DLGAP2: variants seen among roughly 807,000 people sequenced by gnomAD.
The protein encoded by DLGAP2 is DLG associated protein 2, also known as disks large-associated protein 2.
DLGAP2 carries 26 observed loss-of-function variants against 100.3 expected under a neutral mutation model. That is an observed-to-expected ratio of 0.26 (90% CI 0.19 to 0.36). DLGAP2 has a LOEUF of 0.36. Ranked by LOEUF, DLGAP2 falls within the 10% of genes least tolerant of loss-of-function variation. The probability of loss-of-function intolerance (pLI) is 1.00; values close to 1 mark genes in which losing one functional copy is unlikely to be tolerated. For synonymous variants in DLGAP2, 886 were observed against 630.1 expected (o/e 1.41, Z -6.08); for missense variants, 1,858 against 1,453.2 (o/e 1.28, Z -4.53).
intron 2 of DLGAP2, among the ~76,000 whole-genome samples, chr8:1,232,539 C>A (rs1554507458): frequency 6.6e-6 from 1 of 152,216 alleles, no homozygotes; most frequent in African/African-American, 2.4e-5. Flanking sequence ...TGGGCTGAGG[C>A]TCAATGTGGT....
intron 2 of DLGAP2, among the ~76,000 whole-genome samples, chr8:1,067,603 ACGTGTGTGTG>A (rs1165446114): frequency 9.9e-6 from 1 of 100,894 alleles, no homozygotes; most frequent in East Asian, 3.6e-4. Context: ...TGGTTGAGTG[ACGTGTGTGTG>A]TGTGTGTGTG....
chr8:1,473,334 G>A (rs184293829), intron 3 of DLGAP2, among the ~76,000 whole-genome samples: 3 of 152,318 alleles, frequency 2.0e-5, no homozygotes, highest in East Asian at 1.9e-4. Context: ...CCTCCGCCCA[G>A]CAGACTGCCA....
intron 2 of DLGAP2, among the ~76,000 whole-genome samples, chr8:976,284 C>T (rs1011237236): frequency 1.6e-4 from 24 of 152,198 alleles, no homozygotes; most frequent in African/African-American, 5.5e-4. Context: ...GTCAAAAAAT[C>T]GGCCAATAGA....
intron 3 of DLGAP2, among the ~76,000 whole-genome samples, chr8:1,283,003 T>C (rs1462954917): frequency 6.9e-5 from 8 of 115,118 alleles, no homozygotes; most frequent in Non-Finnish European, 1.4e-4. Context: ...CCCTGAACCA[T>C]ACGGACATGG....
intron 2 of DLGAP2, among the ~76,000 whole-genome samples, chr8:1,035,946 G>A (rs1802106196): frequency 1.5e-5 from 1 of 68,456 alleles, no homozygotes; most frequent in South Asian, 6.8e-4. Flanking sequence ...GTGTCACCGC[G>A]AGTGGGTTCA....
chr8:771,287 G>A (rs1054716997), intron 1 of DLGAP2, among the ~76,000 whole-genome samples: 15 of 152,180 alleles, frequency 9.9e-5, no homozygotes, highest in East Asian at 1.9e-4. Context: ...TAATGCAAAC[G>A]TGCTGTGCAG....
chr8:786,046 G>T (rs1462319186), intron 1 of DLGAP2, among the ~76,000 whole-genome samples: 1 of 152,228 alleles, frequency 6.6e-6, no homozygotes, highest in African/African-American at 2.4e-5. Context: ...CGTCAGGAAT[G>T]CCCAGACCAG....
intron 2 of DLGAP2, among the ~76,000 whole-genome samples, chr8:1,182,655 G>C (rs928921130): frequency 6.6e-6 from 1 of 152,206 alleles, no homozygotes; most frequent in Non-Finnish European, 1.5e-5. Context: ...ACCTCTGCGT[G>C]GTGAGTTGGG....
At chr8:1,227,431 G>A (rs9644305) in intron 2 of DLGAP2, among the ~76,000 whole-genome samples, 87,490 of 150,268 alleles carry the variant, frequency 0.58, 27,007 homozygotes, top group African/African-American at 0.78. Flanking sequence ...CTTTGAGCCT[G>A]TGGCTGTCTT....
At chr8:1,276,026 TAAA>T (rs1239009096) in intron 3 of DLGAP2, among the ~76,000 whole-genome samples, 1 of 131,708 alleles carries the variant, frequency 7.6e-6, no homozygotes, top group Non-Finnish European at 1.6e-5. Context: ...AATATATAAA[TAAA>T]TATATAACGT....
At chr8:1,430,077 T>A (rs1362607165) in intron 3 of DLGAP2, among the ~76,000 whole-genome samples, 1 of 138,032 alleles carries the variant, frequency 7.2e-6, no homozygotes, top group Non-Finnish European at 1.6e-5. Context: ...AGAATAATTA[T>A]GTTACTGTGT....
intron 2 of DLGAP2, among the ~76,000 whole-genome samples, chr8:1,193,478 G>A (rs1357169693): frequency 1.3e-5 from 2 of 152,140 alleles, no homozygotes; most frequent in Non-Finnish European, 2.9e-5. Flanking sequence ...CTTCTTTTGA[G>A]AAGTGTCTGG....
intron 8 of DLGAP2, among the ~76,000 whole-genome samples, chr8:1,663,356 G>A (rs557299190): frequency 2.0e-5 from 3 of 152,200 alleles, no homozygotes; most frequent in East Asian, 3.9e-4. Context: ...TGGTGGAGTC[G>A]GCCAGTGCTG....
chr8:741,869 A>G (rs1286763092), intron 1 of DLGAP2, among the ~76,000 whole-genome samples: 1 of 152,208 alleles, frequency 6.6e-6, no homozygotes, highest in Non-Finnish European at 1.5e-5. Flanking sequence ...AGCTTTAGGA[A>G]AAACAGCGGG....
intron 2 of DLGAP2, among the ~76,000 whole-genome samples, chr8:1,194,599 G>T (rs1171687015): frequency 6.6e-6 from 1 of 152,194 alleles, no homozygotes; most frequent in Non-Finnish European, 1.5e-5. Flanking sequence ...ACGCCTGCCT[G>T]TTCAGCAGGG....
chr8:1,048,298 G>T (rs1443450085), intron 2 of DLGAP2, among the ~76,000 whole-genome samples: 1 of 152,098 alleles, frequency 6.6e-6, no homozygotes, highest in African/African-American at 2.4e-5. Flanking sequence ...ACACCCCAAG[G>T]CTCACAGACA....
rs776806688 is a variant in DLGAP2 at position 1,355,224 on chromosome 8, C to T, written c.106+96341C>T. Among the ~76,000 whole-genome samples, 10 of 152,262 alleles carry T rather than the reference C, an allele frequency of 6.6e-5. 1 individual carries two copies. The highest frequency in any genetic ancestry group is 1.2e-4 in the Non-Finnish European group (8 of 68,042). On this transcript the variant is annotated intron_variant, in intron 3 of 14. Transcript: ENST00000637795. ...TGGCACCCGCGTGCTGGCGTGACAG[C>T]GGTGACACCTGCGTGCCAGTGTGCA... is the stretch of plus-strand genomic sequence containing the variant.
At chr8:1,540,708 A>T (rs559531954) in intron 4 of DLGAP2, among the ~76,000 whole-genome samples, 1 of 152,362 alleles carries the variant, frequency 6.6e-6, no homozygotes, top group South Asian at 2.1e-4. Flanking sequence ...CTGCGGACAG[A>T]GCCCAGCGTG....
intron 3 of DLGAP2, among the ~76,000 whole-genome samples, chr8:1,414,013 C>T (rs768351405): frequency 2.0e-5 from 3 of 152,156 alleles, no homozygotes; most frequent in Non-Finnish European, 2.9e-5. Context: ...AAGTGCAGCT[C>T]AGGGCACCGT....
Sources: allele counts gnomAD v4.1 joint callset (sites outside exome capture counted in the v4.1 genomes callset), GRCh38; gene constraint gnomAD v4.1.1; transcripts MANE v1.5; gene names NCBI Gene and HGNC (gene_info 2026-07-23, HGNC 2026-07-21).